PCDH15: variants seen among roughly 807,000 people sequenced by gnomAD.
PCDH15 encodes protocadherin related 15.
Under a neutral mutation model 178.5 loss-of-function variants are expected in PCDH15, and 129 were observed. The ratio of observed to expected loss-of-function variants is 0.72; its 90% CI spans 0.63 to 0.84. The LOEUF (loss-of-function observed/expected upper bound fraction) is 0.84, where lower values mean the gene tolerates loss of function less well. Ranked by LOEUF, PCDH15 falls within the 40% of genes least tolerant of loss-of-function variation. The pLI is 0.00. For synonymous variants in PCDH15, 800 were observed against 732.0 expected, an observed-to-expected ratio of 1.09 and a Z score of -1.50; for missense variants, 2,230 against 2,099.9, an observed-to-expected ratio of 1.06 and a Z score of -1.21.
At chr10:55,072,970 G>A (rs1187013616) in intron 2 of PCDH15, among the ~76,000 whole-genome samples, 1 of 151,930 alleles carries the variant, frequency 6.6e-6, no homozygotes, top group Non-Finnish European at 1.5e-5. Flanking sequence ...ATGTAATCCA[G>A]CATATAAATA....
At chr10:54,995,022 T>C (rs1375613209) in intron 2 of PCDH15, among the ~76,000 whole-genome samples, 2 of 152,162 alleles carry the variant, frequency 1.3e-5, no homozygotes, top group Non-Finnish European at 2.9e-5. Flanking sequence ...TCTAAAGATA[T>C]AAGAATGTAG....
intron 3 of PCDH15, among the ~76,000 whole-genome samples, chr10:54,417,886 G>A (rs1336880177): frequency 6.6e-6 from 1 of 152,108 alleles, no homozygotes; most frequent in Non-Finnish European, 1.5e-5. Flanking sequence ...ATGGTTCACA[G>A]GTACACATGC....
chr10:55,550,820 C>T (rs1455406623), intron 2 of PCDH15, among the ~76,000 whole-genome samples: 2 of 152,072 alleles, frequency 1.3e-5, no homozygotes, highest in Non-Finnish European at 1.5e-5. Context: ...TTACCTTCTT[C>T]TACTTCAAAC....
intron 20 of PCDH15, among the ~76,000 whole-genome samples, chr10:53,997,966 A>G (rs1399528082): frequency 6.6e-6 from 1 of 152,178 alleles, no homozygotes; most frequent in East Asian, 1.9e-4. Flanking sequence ...CATTATTTCA[A>G]GAGGAGAAAT....
At chr10:54,521,408 C>A (rs1185667160) in intron 3 of PCDH15, among the ~76,000 whole-genome samples, 2 of 151,864 alleles carry the variant, frequency 1.3e-5, no homozygotes, top group Admixed American at 1.3e-4. Context: ...TTGCCTGTCC[C>A]GAAGTATTAA....
At chr10:54,115,334 G>C (rs7915833) in intron 15 of PCDH15, among the ~76,000 whole-genome samples, 1 of 152,130 alleles carries the variant, frequency 6.6e-6, no homozygotes, top group African/African-American at 2.4e-5. Context: ...TGGAAAGTAA[G>C]TGTCAAGCAT....
intron 1 of PCDH15, among the ~76,000 whole-genome samples, chr10:55,276,343 G>C (rs1592042556): frequency 6.6e-6 from 1 of 150,848 alleles, no homozygotes; most frequent in South Asian, 2.1e-4. Context: ...TTTACTGATA[G>C]GATCATTGTG....
chr10:54,601,199 G>A (rs1270422825), intron 2 of PCDH15, among the ~76,000 whole-genome samples: 1 of 151,872 alleles, frequency 6.6e-6, no homozygotes, highest in African/African-American at 2.4e-5. Flanking sequence ...ATAAATGAAA[G>A]AGCTTCTGCA....
chr10:55,390,450 T>C (rs1837765168), intron 2 of PCDH15, among the ~76,000 whole-genome samples: 1 of 152,184 alleles, frequency 6.6e-6, no homozygotes, highest in Non-Finnish European at 1.5e-5. Context: ...CTGTAGCATA[T>C]AATGACGTTT....
chr10:55,373,694 T>A (rs796925991), intron 2 of PCDH15, among the ~76,000 whole-genome samples: 1 of 152,014 alleles, frequency 6.6e-6, no homozygotes, highest in Non-Finnish European at 1.5e-5. Flanking sequence ...GACTTGTACA[T>A]GGAGGCTTCA....
intron 1 of PCDH15, among the ~76,000 whole-genome samples, chr10:54,668,866 G>C (rs2094612671): frequency 6.6e-6 from 1 of 152,184 alleles, no homozygotes; most frequent in South Asian, 2.1e-4. Context: ...TCACAGTGAA[G>C]TGAGCTGTAT....
intron 3 of PCDH15, among the ~76,000 whole-genome samples, chr10:54,515,633 T>C (rs915076757): frequency 3.3e-5 from 5 of 152,200 alleles, no homozygotes; most frequent in Non-Finnish European, 7.3e-5. Flanking sequence ...AAGAGAGTAG[T>C]GGTTCTCCCA....
chr10:53,827,065 T>C (rs868343589), intron 32 of PCDH15, among the ~76,000 whole-genome samples: 2 of 151,628 alleles, frequency 1.3e-5, no homozygotes, highest in Non-Finnish European at 2.9e-5. Context: ...TTTATACATA[T>C]ATACATATAC....
intron 2 of PCDH15, among the ~76,000 whole-genome samples, chr10:54,979,421 C>T (rs1296680211): frequency 6.6e-6 from 1 of 152,036 alleles, no homozygotes; most frequent in Non-Finnish European, 1.5e-5. Flanking sequence ...GTAATCCCAG[C>T]ACTTTGGGAG....
At position 53,807,010 on chromosome 10, in the gene PCDH15, T is replaced by A; in HGVS notation, c.4792A>T (p.Asn1598Tyr). The A allele has an allele frequency of 6.2e-7, 1 of 1,613,720 alleles. No individual in the cohort carries two copies. The highest frequency in any genetic ancestry group is 8.5e-7 in the Non-Finnish European group (1 of 1,179,784). ...GCAATATATATATTGCCGTTGATAT[T>A]ACTGTGGATACTAGGATGGTGAAGA... Reference protein sequence around the residue: ...NRLHHPSIHSNINGNIYIAQN... With the variant: ...NRLHHPSIHSYINGNIYIAQN... Residue 1598 changes from asparagine (N) to tyrosine (Y), a missense_variant, in exon 38 of 38, where the codon AAT becomes TAT. By Grantham distance (143) the Asn-to-Tyr change is moderately radical. Transcript: ENST00000644397.
chr10:54,231,473 G>A (rs2054062582), intron 9 of PCDH15, among the ~76,000 whole-genome samples: 1 of 152,274 alleles, frequency 6.6e-6, no homozygotes, highest in Non-Finnish European at 1.5e-5. Context: ...TACCAGGGCA[G>A]TGTGGAAGGG....
intron 2 of PCDH15, among the ~76,000 whole-genome samples, chr10:54,973,062 A>C (rs1838978142): frequency 6.6e-6 from 1 of 151,946 alleles, no homozygotes; most frequent in Admixed American, 6.6e-5. Flanking sequence ...GGTTATGATT[A>C]ATAAAGTAAA....
chr10:54,104,450 T>C (rs1227333590), intron 15 of PCDH15, among the ~76,000 whole-genome samples: 1 of 152,158 alleles, frequency 6.6e-6, no homozygotes, highest in African/African-American at 2.4e-5. Context: ...TTTTCCACAA[T>C]TTTAGCTCTT....
intron 13 of PCDH15, among the ~76,000 whole-genome samples, chr10:54,179,409 G>C (rs2047757130): frequency 7.1e-6 from 1 of 141,802 alleles, no homozygotes; most frequent in East Asian, 2.1e-4. Flanking sequence ...TCACACTCTG[G>C]GGACTGTTGT....
Sources: gnomAD v4.1 joint callset for allele counts (sites outside exome capture counted in the v4.1 genomes callset) on GRCh38, gnomAD v4.1.1 for gene constraint, MANE v1.5 for transcripts, NCBI Gene and HGNC (gene_info 2026-07-23, HGNC 2026-07-21) for gene names.